Variants in GAD2 observed in about 807,000 individuals in gnomAD.
GAD2 encodes 65 kDa glutamic acid decarboxylase.
GAD2 carries 22 observed loss-of-function variants against 80.1 expected under a neutral mutation model. That is an observed-to-expected ratio of 0.27 (90% CI 0.20 to 0.39). The LOEUF (loss-of-function observed/expected upper bound fraction) is 0.39. Ranked by LOEUF, GAD2 falls within the 10% of genes least tolerant of loss-of-function variation. GAD2 has a pLI of 1.00. For missense variants in GAD2, 624 were observed against 738.4 expected (o/e 0.85, Z 1.80); for synonymous variants, 274 against 256.9 (o/e 1.07, Z -0.64).
chr10:26,253,943 G>T (rs1844912559), intron 8 of GAD2, among the ~76,000 whole-genome samples: 1 of 152,150 alleles, frequency 6.6e-6, no homozygotes, highest in African/African-American at 2.4e-5. Flanking sequence ...GCTGTGAGGG[G>T]CGGGGGTGGC....
In GAD2 at chr10:26,243,332, T is replaced by C. The variant is rs866447632; in HGVS notation, c.841-2589T>C. Among the ~76,000 whole-genome samples, 16 of 152,350 alleles carry C rather than the reference T, an allele frequency of 1.1e-4. No homozygotes were observed. The South Asian group carries it at 2.5e-3, about 24-fold the overall frequency. On this transcript the variant is annotated intron_variant, in intron 7 of 15. Coordinates refer to ENST00000376261, the MANE Select transcript of GAD2 (RefSeq NM_001134366.2). ...TAAAAATACATGTGTTAAGAGTTCC[T>C]GTGCTGTGTGTTTGAGAATTCAGAA... is the stretch of plus-strand genomic sequence containing the variant.
chr10:26,287,127 A>C (rs1401656428), intron 13 of GAD2, among the ~76,000 whole-genome samples: 2 of 152,210 alleles, frequency 1.3e-5, no homozygotes, highest in South Asian at 2.1e-4. Context: ...AGGAGCCTAC[A>C]TTTATGTTTA....
In GAD2 at chr10:26,217,241, T is replaced by A. The variant is rs1336684378; in HGVS notation, c.76+356T>A. On this transcript the variant is annotated intron_variant, in intron 1 of 15. Coordinates refer to ENST00000376261, the MANE Select transcript of GAD2 (RefSeq NM_001134366.2). This position sits in a 1 kb window ranked among gnomAD's most constrained non-coding sequence, Gnocchi z 4.9. Reference sequence around the variant, plus strand: ...TGACCGTGAAGATAGAAAAAAAAAATGGGAAAGGTGAGAGATTTCTTTATC... The same window carrying A: ...TGACCGTGAAGATAGAAAAAAAAAAAGGGAAAGGTGAGAGATTTCTTTATC... Among the ~76,000 whole-genome samples, 2 of 147,486 alleles carry A rather than the reference T, an allele frequency of 1.4e-5. No homozygotes were observed. The highest frequency in any genetic ancestry group is 5.1e-5 in the African/African-American group (2 of 39,586).
At chr10:26,294,657 T>C (rs1834254122) in intron 15 of GAD2, among the ~76,000 whole-genome samples, 1 of 152,078 alleles carries the variant, frequency 6.6e-6, no homozygotes. Context: ...CCAGGATCCG[T>C]GGTGCATGTG....
At chr10:26,292,834 G>C (rs1337615714) in intron 14 of GAD2, 68 bp from the exon 15 acceptor site, 4 of 1,286,374 alleles carry the variant, frequency 3.1e-6, no homozygotes, top group Non-Finnish European at 4.5e-6. Flanking sequence ...ACATCGATTT[G>C]AAATGTTCTT....
chr10:26,233,757 G>A (rs1009440044), intron 7 of GAD2, among the ~76,000 whole-genome samples: 2 of 152,140 alleles, frequency 1.3e-5, no homozygotes, highest in East Asian at 1.9e-4. Flanking sequence ...CCTTTTCTCC[G>A]GCTAGACAAC....
chr10:26,246,764 A>G (rs1030828358), intron 8 of GAD2, among the ~76,000 whole-genome samples: 1 of 152,206 alleles, frequency 6.6e-6, no homozygotes, highest in African/African-American at 2.4e-5. Flanking sequence ...GATGTGAGCT[A>G]GGTGGGAAGA....
chr10:26,219,495 A>C (rs1844426968), intron 4 of GAD2, among the ~76,000 whole-genome samples: 1 of 152,200 alleles, frequency 6.6e-6, no homozygotes, highest in South Asian at 2.1e-4. Flanking sequence ...CAGAAACATG[A>C]TTTAAGTGTA....
chr10:26,263,716 G>GT (rs372260424), intron 8 of GAD2, among the ~76,000 whole-genome samples: 70 of 152,080 alleles, frequency 4.6e-4, no homozygotes, highest in African/African-American at 1.4e-3. Flanking sequence ...CAACTAGCAG[G>GT]TTTTTTTTAC....
intron 7 of GAD2, among the ~76,000 whole-genome samples, chr10:26,244,702 G>A (rs1265329019): frequency 1.3e-5 from 2 of 152,198 alleles, no homozygotes; most frequent in African/African-American, 2.4e-5. Context: ...AAAATGGAAT[G>A]GTGGTATTCA....
In GAD2 at chr10:26,304,278, G is replaced by A. The variant is rs1036856754; in HGVS notation, c.*3317G>A. 8.5e-5 allele frequency: 13 copies of A among 152,576 alleles called. No homozygotes were observed. Among genetic ancestry groups the A allele is most frequent in the African/African-American group, 3.1e-4 (13 of 41,420 alleles). 9.5% of individuals were successfully genotyped at this position (152,576 alleles called of 1,614,324 possible). On this transcript the variant is annotated 3_prime_UTR_variant, in exon 16 of 16. Transcript: ENST00000376261. ...AGCAGGATGAGGAACCTCAAACTGG[G>A]TATCATTTTGCACGTGCTCTTCTGT...
intron 15 of GAD2, among the ~76,000 whole-genome samples, chr10:26,296,711 A>C (rs537383234): frequency 6.6e-6 from 1 of 152,182 alleles, no homozygotes; most frequent in East Asian, 1.9e-4. Flanking sequence ...TTATCTTCTT[A>C]TTTTAATTTT....
At position 26,269,334 on chromosome 10, in the gene GAD2, G is replaced by T. The variant is rs1281724901; in HGVS notation, c.975+161G>T. ...GCATCCAGTCACTATTTATTTCTCT[G>T]GGTTATAGGCTCTGCTTTAGAAAAG... On this transcript the variant is annotated intron_variant, in intron 9 of 15. Transcript: ENST00000376261. 2.0e-5 allele frequency among the ~76,000 whole-genome samples: 3 copies of T among 152,136 alleles called. No individual in the cohort carries two copies. In the South Asian group the frequency reaches 6.2e-4, roughly 32 times the overall value.
chr10:26,237,480 G>A (rs1231718494), intron 7 of GAD2, among the ~76,000 whole-genome samples: 1 of 151,918 alleles, frequency 6.6e-6, no homozygotes, highest in Non-Finnish European at 1.5e-5. Flanking sequence ...GGCTCTCGGT[G>A]AGCCCCTCAC....
chr10:26,282,749 A>G (rs1313896296), intron 12 of GAD2, among the ~76,000 whole-genome samples: 1 of 152,180 alleles, frequency 6.6e-6, no homozygotes, highest in Non-Finnish European at 1.5e-5. Flanking sequence ...AAAGAGTGTT[A>G]TTACTTCTGT....
At chr10:26,256,793 GA>G (rs1844948449) in intron 8 of GAD2, among the ~76,000 whole-genome samples, 1 of 152,214 alleles carries the variant, frequency 6.6e-6, no homozygotes, top group Non-Finnish European at 1.5e-5. Context: ...ACTCCGCTAT[GA>G]AATGACTATT....
chr10:26,247,384 CTT>C (rs1844822398), intron 8 of GAD2, among the ~76,000 whole-genome samples: 1 of 151,232 alleles, frequency 6.6e-6, no homozygotes. Flanking sequence ...TATCTCGTGA[CTT>C]AGAATGCCTT....
chr10:26,296,874 T>C (rs1834279045), intron 15 of GAD2, among the ~76,000 whole-genome samples: 2 of 152,130 alleles, frequency 1.3e-5, no homozygotes, highest in South Asian at 4.1e-4. Flanking sequence ...GTCTGTGTTA[T>C]TAAGTGCAAT....
chr10:26,254,981 G>T (rs1348439467), intron 8 of GAD2, among the ~76,000 whole-genome samples: 1 of 152,238 alleles, frequency 6.6e-6, no homozygotes, highest in Admixed American at 6.5e-5. Context: ...ATTCAGATTT[G>T]GAGATACTGA....
Sources: gnomAD v4.1 joint callset for allele counts (sites outside exome capture counted in the v4.1 genomes callset) on GRCh38, gnomAD v4.1.1 for gene constraint, Gnocchi (gnomAD v3.1) non-coding constraint, MANE v1.5 for transcripts, NCBI Gene and HGNC (gene_info 2026-07-23, HGNC 2026-07-21) for gene names.